Variants in DACH2 observed in about 807,000 individuals in gnomAD.
The protein encoded by DACH2 is dachshund family transcription factor 2, also known as dachshund homolog 2.
A neutral mutation model predicts 35.8 loss-of-function variants in DACH2; 17 were observed. That is an observed-to-expected ratio of 0.48 (90% confidence interval 0.33 to 0.71). The LOEUF is 0.71. Ranked by LOEUF, DACH2 falls within the 30% of genes least tolerant of loss-of-function variation. The pLI, the probability that DACH2 is intolerant of heterozygous loss-of-function variation, is 0.02. For missense variants in DACH2, 469 were observed against 472.7 expected, an observed-to-expected ratio of 0.99 and a Z score of 0.07; for synonymous variants, 195 against 177.3, an observed-to-expected ratio of 1.10 and a Z score of -0.79.
chrX:86,471,608 G>T (rs1042454094), intron 2 of DACH2, among the ~76,000 whole-genome samples: 3 of 111,304 alleles, frequency 2.7e-5, no homozygotes, highest in Non-Finnish European at 5.7e-5. Flanking sequence ...AGATATGGGG[G>T]TGCAGTGTTT....
chrX:86,668,792 A>G (rs2040729583), intron 4 of DACH2, among the ~76,000 whole-genome samples: 1 of 111,691 alleles, frequency 9.0e-6, no homozygotes, highest in Non-Finnish European at 1.9e-5. Flanking sequence ...GCAGTGGGGA[A>G]AGGAAAGAGT....
intron 2 of DACH2, among the ~76,000 whole-genome samples, chrX:86,407,829 G>A (rs1287873529): frequency 8.9e-6 from 1 of 112,191 alleles, no homozygotes; most frequent in African/African-American, 3.2e-5. Context: ...CTGAGCATTT[G>A]AAAATAATTC....
chrX:86,394,058 T>G (rs1478221912), intron 2 of DACH2, among the ~76,000 whole-genome samples: 2 of 109,303 alleles, frequency 1.8e-5, no homozygotes, highest in Admixed American at 2.0e-4. Flanking sequence ...ATGAAACTTT[T>G]TATGATGTTT....
At chrX:86,629,856 C>T (rs768008544) in intron 3 of DACH2, among the ~76,000 whole-genome samples, 1 of 111,050 alleles carries the variant, frequency 9.0e-6, no homozygotes, top group Non-Finnish European at 1.9e-5. Context: ...GCCTGAGCAA[C>T]AGAGCGAGAC....
At chrX:86,461,403 G>A (rs2037570527) in intron 2 of DACH2, among the ~76,000 whole-genome samples, 2 of 111,033 alleles carry the variant, frequency 1.8e-5, no homozygotes, top group Non-Finnish European at 3.8e-5. Context: ...TGTATTGGGG[G>A]GTGGATTCTC....
intron 4 of DACH2, among the ~76,000 whole-genome samples, chrX:86,684,018 C>T (rs756426775): frequency 2.7e-5 from 3 of 111,195 alleles, no homozygotes; most frequent in Non-Finnish European, 5.7e-5. Context: ...CGGTCTCTAT[C>T]TGCCACTTTC....
chrX:86,720,179 C>T (rs1326534020), intron 6 of DACH2, among the ~76,000 whole-genome samples: 2 of 109,284 alleles, frequency 1.8e-5, no homozygotes, highest in African/African-American at 6.7e-5. Flanking sequence ...CCTTGTGATC[C>T]ACCTGCCTCG....
At chrX:86,684,310 T>TA (rs1442366493) in intron 4 of DACH2, among the ~76,000 whole-genome samples, 9 of 112,093 alleles carry the variant, frequency 8.0e-5, no homozygotes, top group African/African-American at 2.9e-4. Context: ...GAAATGATAT[T>TA]ACTTTGTGTG....
Position 86,616,948 on chromosome X carries a change from G to A in DACH2, c.641-34088G>A, listed in dbSNP as rs138784092. Among the ~76,000 whole-genome samples the A allele has an allele frequency of 5.8e-4, 65 of 112,012 alleles. 2 individuals are homozygous for A. In the East Asian group the frequency reaches 0.018, roughly 31 times the overall value. On this transcript the variant is annotated intron_variant, in intron 3 of 11. Coordinates refer to ENST00000373125, the MANE Select transcript of DACH2 (RefSeq NM_053281.3). ...CTTGGAGTTGATTTCTGTATATGGT[G>A]TGAGAAAGGTGTCCAATTTCGATCT...
chrX:86,294,119 G>C (rs758080095), intron 1 of DACH2, among the ~76,000 whole-genome samples: 1 of 110,932 alleles, frequency 9.0e-6, no homozygotes, highest in East Asian at 2.9e-4. Context: ...GGCTTTGCTC[G>C]TTTCTTTTTA....
At chrX:86,397,409 C>T (rs2036319160) in intron 2 of DACH2, among the ~76,000 whole-genome samples, 2 of 111,380 alleles carry the variant, frequency 1.8e-5, no homozygotes, top group East Asian at 2.8e-4. Context: ...TTGCCCTGGC[C>T]AGAACTTCCA....
chrX:86,694,811 C>T (rs1302679817), intron 4 of DACH2, among the ~76,000 whole-genome samples: 1 of 111,678 alleles, frequency 9.0e-6, no homozygotes, highest in Non-Finnish European at 1.9e-5. Flanking sequence ...AGTGCCTATA[C>T]TATTATTGAG....
intron 1 of DACH2, among the ~76,000 whole-genome samples, chrX:86,322,202 C>T (rs1455773309): frequency 9.0e-6 from 1 of 111,234 alleles, no homozygotes; most frequent in African/African-American, 3.3e-5. Context: ...ATCCTTTCCA[C>T]AGGCTAGGTT....
chrX:86,401,095 A>G (rs1213101435), intron 2 of DACH2, among the ~76,000 whole-genome samples: 2 of 111,626 alleles, frequency 1.8e-5, no homozygotes, highest in African/African-American at 6.5e-5. Flanking sequence ...CTCCTCCCCC[A>G]GCCTCGCTAC....
At chrX:86,704,226 G>A in intron 5 of DACH2, among the ~76,000 whole-genome samples, 1 of 111,543 alleles carries the variant, frequency 9.0e-6, no homozygotes, top group Non-Finnish European at 1.9e-5. Flanking sequence ...ATGGTGCTTG[G>A]AAAATTGGAT....
At chrX:86,656,857 G>GTGTGTGTATATATATATATATA (rs1333268452) in intron 4 of DACH2, among the ~76,000 whole-genome samples, 6 of 66,741 alleles carry the variant, frequency 9.0e-5, no homozygotes, top group African/African-American at 4.3e-4. Context: ...GTGTGTGTGT[G>GTGTGTGTATATATATATATATA]TATATATATA....
At chrX:86,593,418 A>G (rs2039673557) in intron 3 of DACH2, among the ~76,000 whole-genome samples, 1 of 101,716 alleles carries the variant, frequency 9.8e-6, no homozygotes, top group Middle Eastern at 5.0e-3. Flanking sequence ...ATTTTATTTT[A>G]TTTTATTTTA....
At chrX:86,372,767 C>T (rs1165491487) in intron 1 of DACH2, among the ~76,000 whole-genome samples, 1 of 111,060 alleles carries the variant, frequency 9.0e-6, no homozygotes, top group Non-Finnish European at 1.9e-5. Context: ...ATGATCCTGT[C>T]ACTCAGGTAG....
At position 86,695,101 on chromosome X, in the gene DACH2, G is replaced by C; in HGVS notation, c.853G>C (p.Ala285Pro). ...TGGACCCCAACATGGAATTGCTCATGCAGCCCTAGCTGGCCAGCCAGGCAT... is the reference window on the plus strand; with the variant it reads ...TGGACCCCAACATGGAATTGCTCATCCAGCCCTAGCTGGCCAGCCAGGCAT... ...APGPQHGIAH[A>P]ALAGQPGIGG... is the part of the protein sequence containing the mutation. Residue 285 changes from alanine (A) to proline (P), a missense_variant, in exon 5 of 12, where the codon GCA (alanine) becomes CCA (proline). Around this residue, in one of 3 missense-constraint regions of DACH2, gnomAD observed 363 missense variants for 334.4 expected, o/e 1.09. Transcript: ENST00000373125. 1 of 1,153,296 alleles carries C rather than the reference G, an allele frequency of 8.7e-7. No individual in the cohort carries two copies. Among genetic ancestry groups the C allele is most frequent in the Non-Finnish European group, 1.2e-6 (1 of 865,909 alleles).
Sources: allele counts gnomAD v4.1 joint callset (sites outside exome capture counted in the v4.1 genomes callset), GRCh38; gene constraint gnomAD v4.1.1; regional missense constraint gnomAD v4.1.1; transcripts MANE v1.5; gene names NCBI Gene and HGNC (gene_info 2026-07-23, HGNC 2026-07-21).